Variants in ANKRD44 observed in about 807,000 individuals in gnomAD.
ANKRD44 encodes serine/threonine-protein phosphatase 6 regulatory ankyrin repeat subunit B.
In ANKRD44, 35 loss-of-function variants were observed where a neutral mutation model predicts 116.0. The observed-to-expected ratio is 0.30, with a 90% CI of 0.23 to 0.40. The LOEUF is 0.40. Ranked by LOEUF, ANKRD44 falls within the 10% of genes least tolerant of loss-of-function variation. ANKRD44 has a pLI of 1.00. For synonymous variants in ANKRD44, 435 were observed against 461.8 expected (o/e 0.94, Z 0.74); for missense variants, 1,014 against 1,242.6 (o/e 0.82, Z 2.77).
At chr2:197,103,249 T>C (rs1409495980) in intron 9 of ANKRD44, among the ~76,000 whole-genome samples, 1 of 141,116 alleles carries the variant, frequency 7.1e-6, no homozygotes, top group African/African-American at 2.6e-5. Context: ...AAAAAAAAAT[T>C]GGGGGAGGAA....
chr2:197,099,570 C>A, intron 10 of ANKRD44: 1 of 1,202,654 alleles, frequency 8.3e-7, no homozygotes, highest in South Asian at 2.7e-5. Context: ...GAATAAAGTT[C>A]AAGTTTCCTT....
At chr2:197,008,857 C>G in intron 19 of ANKRD44, 87 bp downstream of exon 19, 1 of 1,187,132 alleles carries the variant, frequency 8.4e-7, no homozygotes, top group Non-Finnish European at 1.2e-6. Context: ...CTCGGTTCCG[C>G]AGTCAGCCTT....
intron 1 of ANKRD44, chr2:197,263,272 C>A: frequency 1.7e-6 from 1 of 598,470 alleles, no homozygotes; most frequent in Admixed American, 2.3e-5. Flanking sequence ...CCTCACTTGT[C>A]CCTGGCCGCA....
intron 16 of ANKRD44, among the ~76,000 whole-genome samples, chr2:197,063,781 C>T (rs568146169): frequency 6.6e-6 from 1 of 152,152 alleles, no homozygotes; most frequent in Non-Finnish European, 1.5e-5. Context: ...CGAACAAAGC[C>T]TCCAAGAAAT....
chr2:197,242,046 AGTAAAACTTTATCAGTAGATCCTT>A (rs1488764513), intron 1 of ANKRD44, among the ~76,000 whole-genome samples: 5 of 152,150 alleles, frequency 3.3e-5, no homozygotes, highest in African/African-American at 1.2e-4. Context: ...GTGCATTATA[AGTAAAACTTTATCAGTAGATCCTT>A]GTTAAACTTT....
chr2:197,009,035 A>G lies in ANKRD44; in HGVS notation c.1925-4T>C. On this transcript the variant is annotated splice_polypyrimidine_tract_variant and splice_region_variant and intron_variant, in intron 18 of 27. Coordinates refer to ENST00000282272, the MANE Select transcript of ANKRD44 (RefSeq NM_001195144.2). ...CACAGTGTGTGACCATTAATTACTG[A>G]AAAAGAAAACAGTGGACAGTCTTTT... The G allele has an allele frequency of 1.9e-6, 3 of 1,612,892 alleles. No homozygotes were observed. Among genetic ancestry groups the G allele is most frequent in the Non-Finnish European group, 2.5e-6 (3 of 1,178,982 alleles).
chr2:197,103,167 G>T (rs1219160877), intron 9 of ANKRD44, among the ~76,000 whole-genome samples: 1 of 149,264 alleles, frequency 6.7e-6, no homozygotes, highest in Non-Finnish European at 1.5e-5. Context: ...GGCAGAGCTT[G>T]CAGTGAGCCA....
At chr2:197,196,036 T>C (rs939443802) in intron 1 of ANKRD44, among the ~76,000 whole-genome samples, 3 of 152,234 alleles carry the variant, frequency 2.0e-5, no homozygotes, top group Non-Finnish European at 4.4e-5. Flanking sequence ...AACATTTAAA[T>C]CCATGTAATT....
intron 17 of ANKRD44, chr2:197,015,758 G>T (rs2076380069): frequency 1.9e-6 from 1 of 526,614 alleles, no homozygotes; most frequent in South Asian, 1.9e-5. Flanking sequence ...TATGGTGGTG[G>T]TGGACCAGGA....
At chr2:197,082,333 T>C (rs2077816315) in intron 14 of ANKRD44, among the ~76,000 whole-genome samples, 11 of 152,184 alleles carry the variant, frequency 7.2e-5, no homozygotes, top group Admixed American at 7.2e-4. Flanking sequence ...CTACATCTGA[T>C]ATTATTATTT....
At chr2:196,998,034 ACC>A (rs1364568333) in intron 25 of ANKRD44, among the ~76,000 whole-genome samples, 1 of 152,186 alleles carries the variant, frequency 6.6e-6, no homozygotes, top group Admixed American at 6.5e-5. Flanking sequence ...TGGTACAACA[ACC>A]AGAGAGACAG....
chr2:197,018,013 A>G (rs2076423752), intron 17 of ANKRD44, among the ~76,000 whole-genome samples: 2 of 152,216 alleles, frequency 1.3e-5, no homozygotes, highest in Non-Finnish European at 2.9e-5. Flanking sequence ...TAATTCTCAC[A>G]AAGTGCTGTA....
intron 25 of ANKRD44, among the ~76,000 whole-genome samples, chr2:196,995,767 G>T (rs16860250): frequency 0.11 from 17,134 of 152,002 alleles, 1,027 homozygotes; most frequent in African/African-American, 0.14. Context: ...TAGGTCAGCT[G>T]GTAACTAGGG....
intron 16 of ANKRD44, among the ~76,000 whole-genome samples, chr2:197,054,456 T>G (rs967989691): frequency 3.2e-4 from 48 of 152,236 alleles, no homozygotes; most frequent in African/African-American, 1.0e-3. Flanking sequence ...ATGTCACAAT[T>G]GAAAGGAAAC....
At chr2:197,188,827 G>A (rs527599291) in intron 1 of ANKRD44, among the ~76,000 whole-genome samples, 2 of 152,236 alleles carry the variant, frequency 1.3e-5, no homozygotes, top group South Asian at 4.1e-4. Flanking sequence ...TCCCCAATGT[G>A]TCTGACCATA....
rs578039743 is a variant in ANKRD44 at position 197,252,904 on chromosome 2, C to T, written c.27+57674G>A. On this transcript the variant is annotated intron_variant, in intron 1 of 27. Transcript: ENST00000282272. ...TCCTTTACCTAAAAAAGAGTAGAGG[C>T]CAGAAACAAATATTTTTGACTTTTT... Among the ~76,000 whole-genome samples, 15 of 152,256 alleles carry T rather than the reference C, an allele frequency of 9.9e-5. No homozygotes were observed. The South Asian group carries it at 2.9e-3, about 29-fold the overall frequency.
In ANKRD44 at chr2:197,164,445, A is replaced by G. The variant is rs553927419; in HGVS notation, c.112-17340T>C. Among the ~76,000 whole-genome samples the G allele has an allele frequency of 2.6e-5, 4 of 152,192 alleles. No individual in the cohort carries two copies. The East Asian group carries it at 7.8e-4, about 29-fold the overall frequency. On this transcript the variant is annotated intron_variant, in intron 2 of 27. Coordinates refer to ENST00000282272, the MANE Select transcript of ANKRD44 (RefSeq NM_001195144.2). ...CCCTCTGTTCTCTGGGGGCGGCCAC[A>G]CTGTGGGGTCGGGCAGGTCGCACCC...
chr2:197,083,442 C>T lies in ANKRD44; in HGVS notation c.1384G>A (p.Ala462Thr), dbSNP rs139336667. The change falls in exon 14 of 28, where the codon GCC becomes ACC. Residue 462 changes from alanine (A) to threonine (T), a missense_variant. By Grantham distance (58) the Ala-to-Thr change is moderately conservative (BLOSUM62 0). Coordinates refer to ENST00000282272, the MANE Select transcript of ANKRD44 (RefSeq NM_001195144.2). ...HCIETLVTTG[A>T]NVNETDDWGR... ...CAGTCATCTGTTTCATTAACGTTGG[C>T]CCCTGTGGTCACTAATGTCTCAATA... The T allele has an allele frequency of 2.8e-5, 45 of 1,613,822 alleles. No individual in the cohort carries two copies. The highest frequency in any genetic ancestry group is 3.8e-5 in the Non-Finnish European group (45 of 1,179,898).
chr2:197,011,449 T>C (rs2076299183), intron 18 of ANKRD44, among the ~76,000 whole-genome samples: 1 of 152,136 alleles, frequency 6.6e-6, no homozygotes, highest in African/African-American at 2.4e-5. Flanking sequence ...CAGTAGCTTT[T>C]TGAACTTAGC....
Sources: gnomAD v4.1 joint callset for allele counts (sites outside exome capture counted in the v4.1 genomes callset) on GRCh38, gnomAD v4.1.1 for gene constraint, MANE v1.5 for transcripts, NCBI Gene and HGNC (gene_info 2026-07-23, HGNC 2026-07-21) for gene names.